The following BICC1 variants were observed in gnomAD, a reference collection of about 807,000 sequenced individuals.
BICC1 encodes protein bicaudal C homolog 1.
BICC1 carries 43 observed loss-of-function variants against 111.0 expected under a neutral mutation model. That is an observed-to-expected ratio of 0.39 (90% CI 0.30 to 0.50). BICC1 has a LOEUF of 0.50. BICC1 is among the 20% of genes least tolerant of loss of function. The probability of loss-of-function intolerance (pLI) is 0.88; values close to 1 mark genes in which losing one functional copy is unlikely to be tolerated. For missense variants in BICC1, 1,091 were observed against 1,203.2 expected (o/e 0.91, Z 1.38); for synonymous variants, 467 against 434.4 (o/e 1.07, Z -0.93).
chr10:58,807,586 T>A (rs1265341983), intron 17 of BICC1, among the ~76,000 whole-genome samples: 3 of 152,138 alleles, frequency 2.0e-5, no homozygotes, highest in African/African-American at 7.2e-5. Context: ...AGTTAAAAAT[T>A]CAGTGTGCTC....
intron 2 of BICC1, among the ~76,000 whole-genome samples, chr10:58,635,495 T>G (rs958632312): frequency 2.0e-5 from 3 of 152,214 alleles, no homozygotes; most frequent in African/African-American, 7.2e-5. Flanking sequence ...CAACAGAGGC[T>G]CTCTTGAAAA....
At chr10:58,588,060 A>G (rs553644924) in intron 1 of BICC1, among the ~76,000 whole-genome samples, 2 of 152,348 alleles carry the variant, frequency 1.3e-5, no homozygotes, top group Admixed American at 6.5e-5. Context: ...TGGTACACAA[A>G]GTGGTTCATG....
Position 58,563,571 on chromosome 10 carries a change from G to A in BICC1, c.190+50238G>A, listed in dbSNP as rs141768792. On this transcript the variant is annotated intron_variant, in intron 1 of 20. Transcript: ENST00000373886. Reference sequence around the variant, plus strand: ...TGCCACTTCCTTGCTAACTTGCAGTGTTCTCTCTTAGACATTCTACTCAAA... The same window carrying A: ...TGCCACTTCCTTGCTAACTTGCAGTATTCTCTCTTAGACATTCTACTCAAA... 1.3e-3 allele frequency among the ~76,000 whole-genome samples: 201 copies of A among 152,240 alleles called. 1 individual carries two copies. The highest frequency in any genetic ancestry group is 5.9e-4 in the Non-Finnish European group (40 of 68,016).
chr10:58,527,923 C>A (rs1842587216), intron 1 of BICC1, among the ~76,000 whole-genome samples: 1 of 151,892 alleles, frequency 6.6e-6, no homozygotes, highest in African/African-American at 2.4e-5. Context: ...TCAGTTTCTC[C>A]CTTTACAAAA....
At chr10:58,574,837 C>T (rs1280096647) in intron 1 of BICC1, among the ~76,000 whole-genome samples, 2 of 152,080 alleles carry the variant, frequency 1.3e-5, no homozygotes, top group African/African-American at 4.8e-5. Context: ...TTTCTGCAAA[C>T]TTCTTGTGTG....
intron 15 of BICC1, among the ~76,000 whole-genome samples, chr10:58,805,827 G>A (rs957166048): frequency 2.6e-5 from 4 of 152,174 alleles, no homozygotes; most frequent in African/African-American, 9.7e-5. Context: ...CTAAATTGGG[G>A]AGTTGATAAC....
At chr10:58,552,580 C>T (rs1414408506) in intron 1 of BICC1, among the ~76,000 whole-genome samples, 2 of 152,108 alleles carry the variant, frequency 1.3e-5, no homozygotes, top group African/African-American at 4.8e-5. Context: ...TGTGATCCAC[C>T]CGCCTCGGCG....
intron 2 of BICC1, among the ~76,000 whole-genome samples, chr10:58,660,740 C>T (rs1838817146): frequency 6.6e-6 from 1 of 152,094 alleles, no homozygotes; most frequent in Non-Finnish European, 1.5e-5. Flanking sequence ...GATGCCTCTG[C>T]CTGGCAACTC....
At chr10:58,621,970 A>AACAGAACAG (rs1845832587) in intron 2 of BICC1, among the ~76,000 whole-genome samples, 1 of 133,752 alleles carries the variant, frequency 7.5e-6, no homozygotes, top group Non-Finnish European at 1.7e-5. Flanking sequence ...AGAATAGAAT[A>AACAGAACAG]ATCCAGCCTG....
At chr10:58,721,660 A>C (rs940678776) in intron 3 of BICC1, among the ~76,000 whole-genome samples, 2 of 152,246 alleles carry the variant, frequency 1.3e-5, no homozygotes, top group African/African-American at 4.8e-5. Context: ...GTCAACAAGA[A>C]GAAAAATATA....
At chr10:58,654,951 A>G (rs1037599496) in intron 2 of BICC1, among the ~76,000 whole-genome samples, 2 of 144,608 alleles carry the variant, frequency 1.4e-5, no homozygotes, top group Non-Finnish European at 3.0e-5. Flanking sequence ...TCCTTTCCCC[A>G]TTGCTTGTTT....
chr10:58,539,414 G>T lies in BICC1; in HGVS notation c.190+26081G>T, dbSNP rs934457791. On this transcript the variant is annotated intron_variant, in intron 1 of 20. Transcript: ENST00000373886. ...GCTGGCAAGCAGGAGAGAGGTGAGA[G>T]ATGAAAAAGTACCTATTGGATATAG... Among the ~76,000 whole-genome samples the T allele has an allele frequency of 2.6e-5, 4 of 151,528 alleles. No homozygotes were observed. The Admixed American group carries it at 2.6e-4, about 10-fold the overall frequency.
intron 1 of BICC1, among the ~76,000 whole-genome samples, chr10:58,538,226 A>T (rs928095370): frequency 3.3e-5 from 5 of 152,014 alleles, no homozygotes; most frequent in Non-Finnish European, 7.4e-5. Flanking sequence ...TTCAAAATAC[A>T]CTACAGGGCT....
chr10:58,755,119 CTT>C (rs1842107254), intron 3 of BICC1, among the ~76,000 whole-genome samples: 1 of 141,344 alleles, frequency 7.1e-6, no homozygotes, highest in Non-Finnish European at 1.6e-5. Context: ...CAGGATTTTT[CTT>C]TGTTTTTTGT....
In BICC1 at chr10:58,642,951, G is replaced by T. The variant is rs534854333; in HGVS notation, c.237+22050G>T. Among the ~76,000 whole-genome samples the T allele has an allele frequency of 1.2e-4, 18 of 152,188 alleles. No homozygotes were observed. The South Asian group carries it at 2.7e-3, about 23-fold the overall frequency. ...ACTCCTTGGCTCAAGCAATCCTCCT[G>T]CCTCGGCCTCCCAAAGTGCTAGGAT... On this transcript the variant is annotated intron_variant, in intron 2 of 20. Coordinates refer to ENST00000373886, the MANE Select transcript of BICC1 (RefSeq NM_001080512.3).
intron 1 of BICC1, among the ~76,000 whole-genome samples, chr10:58,604,014 G>T (rs1166146809): frequency 2.6e-5 from 4 of 152,142 alleles, no homozygotes; most frequent in Non-Finnish European, 4.4e-5. Context: ...GTGCAAGGGG[G>T]TCCCTCTTCT....
chr10:58,564,650 G>T (rs1395661848), intron 1 of BICC1, among the ~76,000 whole-genome samples: 1 of 152,156 alleles, frequency 6.6e-6, no homozygotes, highest in Non-Finnish European at 1.5e-5. Flanking sequence ...ATCATCCAGA[G>T]GAATCACTGG....
chr10:58,642,649 C>T (rs1250525168), intron 2 of BICC1, among the ~76,000 whole-genome samples: 1 of 141,734 alleles, frequency 7.1e-6, no homozygotes. Context: ...CACATATGCT[C>T]CTGACAATAT....
intron 1 of BICC1, among the ~76,000 whole-genome samples, chr10:58,606,270 C>T (rs1845208502): frequency 1.3e-5 from 2 of 152,104 alleles, no homozygotes; most frequent in Non-Finnish European, 2.9e-5. Context: ...ACATACAACC[C>T]CTACTAATAT....
Sources: gnomAD v4.1 joint callset for allele counts (sites outside exome capture counted in the v4.1 genomes callset) on GRCh38, gnomAD v4.1.1 for gene constraint, MANE v1.5 for transcripts, NCBI Gene and HGNC (gene_info 2026-07-23, HGNC 2026-07-21) for gene names.